Variants in NOP58 observed in about 807,000 individuals in gnomAD.
NOP58 encodes nucleolar protein 58.
Under a neutral mutation model 71.2 loss-of-function variants are expected in NOP58, and 44 were observed. The ratio of observed to expected loss-of-function variants is 0.62; its 90% CI spans 0.49 to 0.79. NOP58 has a LOEUF of 0.79. NOP58 is among the 30% of genes least tolerant of loss of function. The probability of loss-of-function intolerance (pLI) is 0.00; values close to 1 mark genes in which losing one functional copy is unlikely to be tolerated. For missense variants in NOP58, 538 were observed against 620.2 expected, an observed-to-expected ratio of 0.87 and a Z score of 1.41; for synonymous variants, 228 against 200.3, an observed-to-expected ratio of 1.14 and a Z score of -1.17.
intron 13 of NOP58, among the ~76,000 whole-genome samples, chr2:202,302,066 CTTTT>C (rs1413838894): frequency 7.9e-6 from 1 of 126,212 alleles, no homozygotes; most frequent in African/African-American, 2.9e-5. Context: ...TCTCTCTTTT[CTTTT>C]TCTTTTTTTT....
At chr2:202,270,778 C>T (rs1250978173) in intron 1 of NOP58, among the ~76,000 whole-genome samples, 2 of 151,962 alleles carry the variant, frequency 1.3e-5, no homozygotes, top group South Asian at 2.1e-4. Context: ...CACAAAGTCT[C>T]AAGCAATCAA....
At chr2:202,296,072 C>T (rs1688988326) in intron 10 of NOP58, among the ~76,000 whole-genome samples, 1 of 151,734 alleles carries the variant, frequency 6.6e-6, no homozygotes, top group Non-Finnish European at 1.5e-5. Flanking sequence ...TATTTTTTTC[C>T]CCCCTAGAAT....
chr2:202,291,968 CTTTTTTTTTTTTTT>C (rs869075798), intron 8 of NOP58, among the ~76,000 whole-genome samples: 127 of 43,950 alleles, frequency 2.9e-3, no homozygotes, highest in South Asian at 9.2e-3. Context: ...TGCTCAGAAT[CTTTTTTTTTTTTTT>C]TTTTTTTTTT....
chr2:202,301,373 C>T (rs771891658), intron 13 of NOP58, among the ~76,000 whole-genome samples: 1 of 151,742 alleles, frequency 6.6e-6, no homozygotes. Context: ...TTAGTAGAGA[C>T]AGGGTTTCAC....
At chr2:202,282,260 C>T (rs959298766) in intron 3 of NOP58, 91 bp from the exon 4 acceptor site, 5 of 935,150 alleles carry the variant, frequency 5.3e-6, no homozygotes, top group African/African-American at 3.3e-5. Context: ...CTTTGAAAGG[C>T]CTATTTTATT....
chr2:202,299,608 T>G (rs1689055930), intron 12 of NOP58, among the ~76,000 whole-genome samples: 1 of 152,078 alleles, frequency 6.6e-6, no homozygotes. Context: ...TTTGAACCAA[T>G]TTTTTTAATG....
chr2:202,287,773 G>A (rs371242729), intron 6 of NOP58, 49 bp downstream of exon 6: 34 of 1,282,120 alleles, frequency 2.7e-5, no homozygotes, highest in Non-Finnish European at 3.5e-5. Flanking sequence ...TCCTTCATGC[G>A]TTTTCATACT....
At chr2:202,299,245 A>C (rs1041933003) in intron 12 of NOP58, among the ~76,000 whole-genome samples, 1 of 152,206 alleles carries the variant, frequency 6.6e-6, no homozygotes, top group East Asian at 1.9e-4. Context: ...GGCGTGAGCC[A>C]CAGCACCCGG....
intron 2 of NOP58, chr2:202,276,284 G>A (rs1688588282): frequency 4.9e-6 from 1 of 204,622 alleles, no homozygotes; most frequent in South Asian, 5.8e-5. Flanking sequence ...AAGTTGCAGT[G>A]AGCCGAGATT....
rs1574382138 is a variant in NOP58 at position 202,284,457 on chromosome 2, C to G, written c.410C>G (p.Ala137Gly). 6.2e-7 allele frequency: 1 copy of G among 1,613,544 alleles called. No individual in the cohort carries two copies. The highest frequency in any genetic ancestry group is 8.5e-7 in the Non-Finnish European group (1 of 1,179,888). ...IPGVEPREMA[A>G]MCLGLAHSLS... Reference sequence around the variant, plus strand: ...GGGGTAGAACCACGTGAAATGGCAGCTATGTGTCTTGGATTGGCTCACAGG... The same window carrying G: ...GGGGTAGAACCACGTGAAATGGCAGGTATGTGTCTTGGATTGGCTCACAGG... The change falls in exon 5 of 15, where the codon GCT becomes GGT. Residue 137 changes from alanine to glycine, a missense_variant. Coordinates refer to ENST00000264279, the MANE Select transcript of NOP58 (RefSeq NM_015934.5).
intron 6 of NOP58, among the ~76,000 whole-genome samples, chr2:202,288,688 G>A (rs867050479): frequency 1.3e-4 from 20 of 151,766 alleles, no homozygotes; most frequent in South Asian, 1.0e-3. Flanking sequence ...GATGGTAGGC[G>A]CCTGTAATCT....
At chr2:202,285,333 C>G (rs374201072) in intron 5 of NOP58, among the ~76,000 whole-genome samples, 1 of 149,994 alleles carries the variant, frequency 6.7e-6, no homozygotes, top group Non-Finnish European at 1.5e-5. Context: ...TGAGCCACCA[C>G]ACCCGGCATT....
chr2:202,297,999 C>T, intron 12 of NOP58, 93 bp downstream of exon 12: 1 of 742,896 alleles, frequency 1.3e-6, no homozygotes. Flanking sequence ...CTTGATGTGC[C>T]CATAGTTTTT....
At chr2:202,282,316 G>C (rs1688718625) in intron 3 of NOP58, 35 bp from the exon 4 acceptor site, 2 of 1,575,918 alleles carry the variant, frequency 1.3e-6, no homozygotes, top group Non-Finnish European at 1.7e-6. Flanking sequence ...AAAAATTTGA[G>C]AGTTAATGCT....
intron 7 of NOP58, 31 bp from the exon 8 acceptor site, chr2:202,291,094 T>G: frequency 6.5e-7 from 1 of 1,528,892 alleles, no homozygotes; most frequent in Non-Finnish European, 8.8e-7. Flanking sequence ...TGAAGAGTGA[T>G]TCTCCCTCAT....
chr2:202,268,021 G>A (rs1688446024), intron 1 of NOP58, among the ~76,000 whole-genome samples: 1 of 152,108 alleles, frequency 6.6e-6, no homozygotes, highest in South Asian at 2.1e-4. Context: ...GATCGTTTCT[G>A]AGTATAAAAG....
At chr2:202,288,671 T>C (rs1250550819) in intron 6 of NOP58, among the ~76,000 whole-genome samples, 2 of 150,850 alleles carry the variant, frequency 1.3e-5, no homozygotes, top group East Asian at 3.9e-4. Context: ...AAAAATTATC[T>C]GAGCATGATG....
intron 3 of NOP58, among the ~76,000 whole-genome samples, chr2:202,280,630 C>G (rs558632334): frequency 7.2e-4 from 102 of 142,286 alleles, no homozygotes; most frequent in African/African-American, 2.6e-3. Context: ...CCGTGCCTGG[C>G]CATCATTTTT....
chr2:202,294,080 T>C lies in NOP58; in HGVS notation c.907+1177T>C, dbSNP rs549518096. On this transcript the variant is annotated intron_variant, in intron 9 of 14. Coordinates refer to ENST00000264279, the MANE Select transcript of NOP58 (RefSeq NM_015934.5). ...CTGTAATCCCAGCACTTTGAGAAGC[T>C]GAGGTGGGTGGGTCACCTGAGGTCA... is the stretch of plus-strand genomic sequence containing the variant. 3.3e-5 allele frequency among the ~76,000 whole-genome samples: 5 copies of C among 151,648 alleles called. No individual in the cohort carries two copies. In the East Asian group the frequency reaches 9.8e-4, roughly 30 times the overall value.
Sources: allele counts gnomAD v4.1 joint callset (sites outside exome capture counted in the v4.1 genomes callset), GRCh38; gene constraint gnomAD v4.1.1; transcripts MANE v1.5; gene names NCBI Gene and HGNC (gene_info 2026-07-23, HGNC 2026-07-21).